CFL1: variants seen among roughly 807,000 people sequenced by gnomAD.
CFL1 encodes the protein cofilin-1.
CFL1 carries 2 observed loss-of-function variants against 16.3 expected under a neutral mutation model. The observed-to-expected ratio is 0.12, with a 90% CI of 0.05 to 0.39. The LOEUF (loss-of-function observed/expected upper bound fraction) is 0.39, where lower values mean the gene tolerates loss of function less well. CFL1 is among the 10% of genes least tolerant of loss of function. The pLI, the probability that CFL1 is intolerant of heterozygous loss-of-function variation, is 0.99. For missense variants in CFL1, 75 were observed against 212.2 expected (o/e 0.35, Z 4.02); for synonymous variants, 111 against 84.4 (o/e 1.31, Z -1.73).
Position 65,855,973 on chromosome 11 carries a change from G to T in CFL1, c.273C>A (p.Thr91=). 1.2e-6 allele frequency: 2 copies of T among 1,613,866 alleles called. No homozygotes were observed. Among genetic ancestry groups the T allele is most frequent in the Non-Finnish European group, 1.7e-6 (2 of 1,179,832 alleles). ...RYALYDATYE[T]KESKKEDLVF... is the part of the protein sequence containing the mutation. ...CCAGATCCTCCTTCTTGCTCTCCTT[G>T]GTCTCATAGGTTGCATCATAGAGGG... Residue 91 remains threonine, a synonymous_variant, in exon 2 of 4, where the codon ACC becomes ACA. Transcript: ENST00000308162.
chr11:65,857,417 T>C, intron 1 of CFL1: 1 of 436,564 alleles, frequency 2.3e-6, no homozygotes, highest in Non-Finnish European at 4.7e-6. Flanking sequence ...GTTCCAGCCC[T>C]CGCCCGATGC....
At chr11:65,857,470 C>A in intron 1 of CFL1, 2 of 404,332 alleles carry the variant, frequency 4.9e-6, no homozygotes, top group Non-Finnish European at 5.2e-6. Context: ...CCGAACGGGC[C>A]GCGGTCTCTG....
chr11:65,857,373 C>T (rs1859406587), intron 1 of CFL1: 2 of 417,128 alleles, frequency 4.8e-6, no homozygotes, highest in Non-Finnish European at 9.8e-6. Context: ...GCGGCCGGGC[C>T]TGAGCGTGCG....
At position 65,856,237 on chromosome 11, in the gene CFL1, G is replaced by A. The variant is rs36052446; in HGVS notation, c.9C>T (p.Ser3=). 281 of 1,611,000 alleles carry A rather than the reference G, an allele frequency of 1.7e-4. 1 individual carries two copies. In the African/African-American group the frequency reaches 3.3e-3, roughly 19 times the overall value. The part of the protein sequence containing the change: MA[S]GVAVSDGVIK... The stretch of plus-strand genomic sequence containing the variant: ...TGACACCATCAGAGACAGCCACACC[G>A]GAGGCCTAGGAGACATGCCACGTAT... The change falls in exon 2 of 4, where the codon TCC becomes TCT. Residue 3 remains serine, a synonymous_variant. Transcript: ENST00000308162.
chr11:65,857,185 T>A (rs1040868590), intron 1 of CFL1: 7 of 212,856 alleles, frequency 3.3e-5, no homozygotes, highest in Non-Finnish European at 6.2e-5. Context: ...CAGACCCATC[T>A]CCTGCAGGCA....
At chr11:65,855,755 A>G in intron 2 of CFL1, 25 bp from the exon 3 acceptor site, 1 of 1,526,308 alleles carries the variant, frequency 6.6e-7, no homozygotes, top group Non-Finnish European at 8.8e-7. Context: ...GCGTCAGGCA[A>G]CTCCCAGCAA....
At chr11:65,857,993 G>T in intron 1 of CFL1, 104 bp downstream of exon 1, 1 of 1,274,392 alleles carries the variant, frequency 7.8e-7, no homozygotes, top group Non-Finnish European at 1.1e-6. Flanking sequence ...CATCCCGCCC[G>T]GGGCGCTGGG....
At chr11:65,855,833 C>A (rs573424423) in intron 2 of CFL1, 102 bp downstream of exon 2, 28 of 1,504,638 alleles carry the variant, frequency 1.9e-5, no homozygotes, top group East Asian at 2.3e-5. Context: ...TTACAACCCC[C>A]TCCCCCTCCA....
intron 3 of CFL1, 50 bp from the exon 4 acceptor site, chr11:65,855,498 G>A: frequency 6.3e-7 from 1 of 1,588,952 alleles, no homozygotes; most frequent in Non-Finnish European, 8.6e-7. Context: ...CTGGGGTGGG[G>A]GTAGTTTCTG....
At position 65,855,347 on chromosome 11, in the gene CFL1, T is replaced by G. The variant is rs1228451366; in HGVS notation, c.490A>C (p.Lys164Gln). 1 of 1,611,604 alleles carries G rather than the reference T, an allele frequency of 6.2e-7. No homozygotes were observed. The highest frequency in any genetic ancestry group is 1.7e-5 in the Admixed American group (1 of 60,018). ...GGGCCAGAAGGGGCTCACAAAGGCT[T>G]GCCCTCCAGGGAGATGACGGCACTG... ...GGSAVISLEG[K>Q]PL The change falls in exon 4 of 4, where the codon AAG becomes CAG. Residue 164 changes from lysine to glutamine, a missense_variant. Lys to Gln is a moderately conservative substitution (Grantham distance 53, BLOSUM62 1). Coordinates refer to ENST00000308162, the MANE Select transcript of CFL1 (RefSeq NM_005507.3).
chr11:65,858,142 G>T lies in CFL1; in HGVS notation c.-43C>A. On this transcript the variant is annotated 5_prime_UTR_variant, in exon 1 of 4. Coordinates refer to ENST00000308162, the MANE Select transcript of CFL1 (RefSeq NM_005507.3). ...GGAGAGGGCACCGAGAGCCGCAGAA[G>T]ACGAGAGCGCTGCAGCCGCTGCCGG... 2 of 1,519,348 alleles carry T rather than the reference G, an allele frequency of 1.3e-6. No individual in the cohort carries two copies. The highest frequency in any genetic ancestry group is 1.4e-5 in the African/African-American group (1 of 69,896). 94.1% of individuals were successfully genotyped at this position (1,519,348 alleles called of 1,614,324 possible). A position where few individuals can be genotyped will look rare whatever the true frequency, so the allele number is the denominator to read the frequency against.
Position 65,855,237 on chromosome 11 carries a change from C to T in CFL1, c.*99G>A. ...GGGATTGCCCTCCCCCTGCTGGGATCCCCCCAGCCCCTCCGGTCTGGCAGG... is the reference window on the plus strand; with the variant it reads ...GGGATTGCCCTCCCCCTGCTGGGATTCCCCCAGCCCCTCCGGTCTGGCAGG... On this transcript the variant is annotated 3_prime_UTR_variant, in exon 4 of 4. Coordinates refer to ENST00000308162, the MANE Select transcript of CFL1 (RefSeq NM_005507.3). 1.1e-6 allele frequency: 1 copy of T among 940,860 alleles called. No individual in the cohort carries two copies. The highest frequency in any genetic ancestry group is 1.4e-5 in the South Asian group (1 of 71,204). The allele number at this position is 940,860 out of a possible 1,614,324, so 58.3% of individuals were successfully genotyped here.
chr11:65,858,173 G>A lies in CFL1; in HGVS notation c.-74C>T. The A allele has an allele frequency of 4.7e-6, 7 of 1,480,156 alleles. No homozygotes were observed. Among genetic ancestry groups the A allele is most frequent in the South Asian group, 1.3e-5 (1 of 79,064 alleles). The allele number at this position is 1,480,156 out of a possible 1,614,324, so 91.7% of individuals were successfully genotyped here. On this transcript the variant is annotated 5_prime_UTR_variant, in exon 1 of 4. Transcript: ENST00000308162. Reference sequence around the variant, plus strand: ...AGCGCTGCAGCCGCTGCCGGGACCCGACTGAACGCGGCCTCTCCCGGCCCC... The same window carrying A: ...AGCGCTGCAGCCGCTGCCGGGACCCAACTGAACGCGGCCTCTCCCGGCCCC...
rs144617488 is a variant in CFL1, at chr11:65,856,405, C to T, written c.4-163G>A. 1.7e-5 allele frequency: 11 copies of T among 641,050 alleles called. No homozygotes were observed. The East Asian group carries it at 2.8e-4, about 16-fold the overall frequency. The allele number at this position is 641,050 out of a possible 1,614,324, so 39.7% of individuals were successfully genotyped here. On this transcript the variant is annotated intron_variant, in intron 1 of 3. Transcript: ENST00000308162. ...CACTGTCAAAGAACCAGATGGGACACAACCTCAGAATGGCAGCCATGGCCT... is the reference window on the plus strand; with the variant it reads ...CACTGTCAAAGAACCAGATGGGACATAACCTCAGAATGGCAGCCATGGCCT...
At position 65,856,040 on chromosome 11, in the gene CFL1, G is replaced by A; in HGVS notation, c.206C>T (p.Ala69Val). Residue 69 changes from alanine (A) to valine (V), a missense_variant, in exon 2 of 4, where the codon GCC (alanine) becomes GTC (valine). Physicochemically the swap from Ala to Val is moderately conservative, Grantham distance 64. Transcript: ENST00000308162. ...ATCTGGCAGCATCTTGACAAAGGTG[G>A]CGTAGGGGTCGTCGACAGTCTGGCC... ...DVGQTVDDPY[A>V]TFVKMLPDKD... 6.2e-7 allele frequency: 1 copy of A among 1,614,148 alleles called. No individual in the cohort carries two copies. Among genetic ancestry groups the A allele is most frequent in the Admixed American group, 1.7e-5 (1 of 60,020 alleles).
chr11:65,858,131 G>A lies in CFL1; in HGVS notation c.-32C>T, dbSNP rs747655529. ...GGAAACGAAAAGGAGAGGGCACCGAGAGCCGCAGAAGACGAGAGCGCTGCA... is the reference window on the plus strand; with the variant it reads ...GGAAACGAAAAGGAGAGGGCACCGAAAGCCGCAGAAGACGAGAGCGCTGCA... On this transcript the variant is annotated 5_prime_UTR_variant, in exon 1 of 4. Coordinates refer to ENST00000308162, the MANE Select transcript of CFL1 (RefSeq NM_005507.3). The A allele has an allele frequency of 4.6e-6, 7 of 1,522,622 alleles. No individual in the cohort carries two copies. In the South Asian group the frequency reaches 7.4e-5, roughly 16 times the overall value. The allele number at this position is 1,522,622 out of a possible 1,614,324, so 94.3% of individuals were successfully genotyped here.
In CFL1 at chr11:65,855,139, G is replaced by A. The variant is rs1859360247; in HGVS notation, c.*197C>T. ...AAAAGATCAAAAGCAGTTTGGGAAG[G>A]CCAGAACCGTCAAGGGATGGAGGGA... On this transcript the variant is annotated 3_prime_UTR_variant, in exon 4 of 4. Transcript: ENST00000308162. 1 of 560,204 alleles carries A rather than the reference G, an allele frequency of 1.8e-6. No individual in the cohort carries two copies. The highest frequency in any genetic ancestry group is 3.2e-6 in the Non-Finnish European group (1 of 310,988). The allele number at this position is 560,204 out of a possible 1,614,324, so 34.7% of individuals were successfully genotyped here.
At position 65,855,240 on chromosome 11, in the gene CFL1, C is replaced by T. The variant is rs1235734777; in HGVS notation, c.*96G>A. On this transcript the variant is annotated 3_prime_UTR_variant, in exon 4 of 4. Coordinates refer to ENST00000308162, the MANE Select transcript of CFL1 (RefSeq NM_005507.3). The stretch of plus-strand genomic sequence containing the variant: ...ATTGCCCTCCCCCTGCTGGGATCCC[C>T]CCAGCCCCTCCGGTCTGGCAGGAAG... 1.1e-5 allele frequency: 11 copies of T among 1,023,190 alleles called. No individual in the cohort carries two copies. The highest frequency in any genetic ancestry group is 1.6e-5 in the African/African-American group (1 of 63,130). The allele number at this position is 1,023,190 out of a possible 1,614,324, so 63.4% of individuals were successfully genotyped here.
At chr11:65,857,419 G>A (rs1161678664) in intron 1 of CFL1, 5 of 436,734 alleles carry the variant, frequency 1.1e-5, no homozygotes, top group Non-Finnish European at 1.9e-5. Context: ...TCCAGCCCTC[G>A]CCCGATGCAC....
Sources: gnomAD v4.1 joint callset for allele counts on GRCh38, gnomAD v4.1.1 for gene constraint, MANE v1.5 for transcripts, NCBI Gene and HGNC (gene_info 2026-07-23, HGNC 2026-07-21) for gene names.